Variants in IMPG1 observed in about 807,000 individuals in gnomAD.
The protein encoded by IMPG1 is interphotoreceptor matrix proteoglycan 1, also known as interphotoreceptor matrix proteoglycan of 150 kDa.
A neutral mutation model predicts 92.0 loss-of-function variants in IMPG1; 85 were observed. The observed-to-expected ratio is 0.92, with a 90% CI of 0.78 to 1.11. The LOEUF is 1.11. IMPG1 is among the 50% of genes least tolerant of loss of function. The pLI, the probability that IMPG1 is intolerant of heterozygous loss-of-function variation, is 0.00. For missense variants in IMPG1, 1,022 were observed against 956.0 expected, an observed-to-expected ratio of 1.07 and a Z score of -0.91; for synonymous variants, 367 against 334.1, an observed-to-expected ratio of 1.10 and a Z score of -1.08.
chr6:75,995,803 C>A (rs1322029112), intron 12 of IMPG1, among the ~76,000 whole-genome samples: 1 of 152,210 alleles, frequency 6.6e-6, no homozygotes, highest in Non-Finnish European at 1.5e-5. Context: ...TTCTTTTCTG[C>A]ACTTCACTTC....
chr6:76,055,130 C>A (rs1302984285), intron 1 of IMPG1, among the ~76,000 whole-genome samples: 1 of 151,734 alleles, frequency 6.6e-6, no homozygotes, highest in Non-Finnish European at 1.5e-5. Flanking sequence ...TCTTTTCAAG[C>A]AGAGGGAAAA....
intron 10 of IMPG1, among the ~76,000 whole-genome samples, chr6:76,004,618 A>T (rs149839340): frequency 2.4e-4 from 37 of 152,276 alleles, no homozygotes; most frequent in African/African-American, 8.9e-4. Context: ...GAACCTACTG[A>T]GGACTGCCCT....
At chr6:76,040,510 T>C (rs954957755) in intron 2 of IMPG1, among the ~76,000 whole-genome samples, 7 of 152,212 alleles carry the variant, frequency 4.6e-5, no homozygotes, top group African/African-American at 1.7e-4. Flanking sequence ...GTCTTTTCTC[T>C]ATTTTCCCAA....
At chr6:76,003,803 C>A in intron 11 of IMPG1, 71 bp downstream of exon 11, 1 of 1,125,362 alleles carries the variant, frequency 8.9e-7, no homozygotes, top group Admixed American at 2.0e-5. Context: ...ATTTCTTAAG[C>A]TGATTTGTTC....
intron 1 of IMPG1, among the ~76,000 whole-genome samples, chr6:76,067,519 G>C (rs1784331312): frequency 6.6e-6 from 1 of 151,888 alleles, no homozygotes; most frequent in African/African-American, 2.4e-5. Context: ...GAACAATAAT[G>C]AATAGTGAGG....
chr6:76,017,788 T>C (rs761330721), intron 7 of IMPG1, among the ~76,000 whole-genome samples: 14 of 152,194 alleles, frequency 9.2e-5, no homozygotes, highest in Non-Finnish European at 1.8e-4. Flanking sequence ...AGTTTCACTC[T>C]TTCACCCAGG....
chr6:75,973,274 C>CGGA (rs369128615), intron 12 of IMPG1, among the ~76,000 whole-genome samples: 1 of 147,900 alleles, frequency 6.8e-6, no homozygotes, highest in African/African-American at 2.5e-5. Flanking sequence ...GCCACTGTGC[C>CGGA]TGGCTGCAAT....
chr6:76,062,057 C>T (rs909056519), intron 1 of IMPG1, among the ~76,000 whole-genome samples: 16 of 152,088 alleles, frequency 1.1e-4, no homozygotes, highest in African/African-American at 3.9e-4. Flanking sequence ...GTATCTAGCA[C>T]AGTATTGGGT....
chr6:75,968,465 A>C (rs1782347661), intron 12 of IMPG1, among the ~76,000 whole-genome samples: 1 of 152,026 alleles, frequency 6.6e-6, no homozygotes, highest in Admixed American at 6.6e-5. Flanking sequence ...TTTTGTGAAG[A>C]TACTTCTATC....
Position 75,979,736 on chromosome 6 carries a change from G to C in IMPG1, c.1291+23182C>G, listed in dbSNP as rs7758955. On this transcript the variant is annotated intron_variant, in intron 12 of 16. Coordinates refer to ENST00000369950, the MANE Select transcript of IMPG1 (RefSeq NM_001563.4). ...TTTGAGTTAAGGAAAATTACATCAG[G>C]GATATTTTAATGATAGCAATTCTGC... 4.5e-3 allele frequency among the ~76,000 whole-genome samples: 678 copies of C among 152,124 alleles called. 4 individuals carry two copies. Among genetic ancestry groups the C allele is most frequent in the African/African-American group, 0.016 (648 of 41,480 alleles).
rs892710606 is a variant in IMPG1 at position 76,016,424 on chromosome 6, T to C, written c.807+2294A>G. Among the ~76,000 whole-genome samples, 8 of 152,350 alleles carry C rather than the reference T, an allele frequency of 5.3e-5. No individual in the cohort carries two copies. In the South Asian group the frequency reaches 1.7e-3, roughly 32 times the overall value. On this transcript the variant is annotated intron_variant, in intron 7 of 16. Coordinates refer to ENST00000369950, the MANE Select transcript of IMPG1 (RefSeq NM_001563.4). ...CAAAAAGAATGTTCCAAAGAACAAA[T>C]GGAAATGTTAACAAACTATTCTTTA...
intron 9 of IMPG1, among the ~76,000 whole-genome samples, chr6:76,006,067 G>A (rs1032732332): frequency 5.3e-5 from 8 of 152,118 alleles, no homozygotes; most frequent in African/African-American, 1.9e-4. Flanking sequence ...TGGCTCAAGC[G>A]ATCTGCCTGC....
intron 12 of IMPG1, among the ~76,000 whole-genome samples, chr6:75,992,041 T>G (rs1782820974): frequency 6.6e-6 from 1 of 152,218 alleles, no homozygotes; most frequent in Non-Finnish European, 1.5e-5. Flanking sequence ...GGACTCTGAG[T>G]AAAGCAGATT....
chr6:75,935,704 A>T (rs1228502222), intron 14 of IMPG1, among the ~76,000 whole-genome samples: 2 of 152,254 alleles, frequency 1.3e-5, no homozygotes, highest in Non-Finnish European at 2.9e-5. Flanking sequence ...GGGGCCCGCC[A>T]TGCTTTTAGG....
intron 9 of IMPG1, among the ~76,000 whole-genome samples, chr6:76,006,518 G>T (rs1457715136): frequency 1.3e-5 from 2 of 148,778 alleles, no homozygotes; most frequent in East Asian, 4.0e-4. Flanking sequence ...ATATACATAT[G>T]GGTATATATA....
intron 10 of IMPG1, 64 bp from the exon 11 acceptor site, chr6:76,004,014 A>G: frequency 8.1e-7 from 1 of 1,238,238 alleles, no homozygotes; most frequent in East Asian, 2.4e-5. Flanking sequence ...TTGGGACAAT[A>G]AAACAGTCCA....
chr6:76,038,717 T>C (rs1401206494), intron 2 of IMPG1, among the ~76,000 whole-genome samples: 3 of 152,198 alleles, frequency 2.0e-5, no homozygotes, highest in Non-Finnish European at 2.9e-5. Flanking sequence ...ATCCAGCACC[T>C]TGGCCTCACT....
chr6:76,004,263 A>C (rs916751677), intron 10 of IMPG1, among the ~76,000 whole-genome samples: 1 of 152,208 alleles, frequency 6.6e-6, no homozygotes, highest in Non-Finnish European at 1.5e-5. Context: ...TTAGGGATAA[A>C]AATATGACTA....
intron 7 of IMPG1, among the ~76,000 whole-genome samples, chr6:76,017,084 C>G (rs1264133175): frequency 6.6e-6 from 1 of 150,702 alleles, no homozygotes; most frequent in African/African-American, 2.4e-5. Flanking sequence ...CTAGACAGAG[C>G]AGACAGCACA....
Sources: allele counts gnomAD v4.1 joint callset (sites outside exome capture counted in the v4.1 genomes callset), GRCh38; gene constraint gnomAD v4.1.1; transcripts MANE v1.5; gene names NCBI Gene and HGNC (gene_info 2026-07-23, HGNC 2026-07-21).